RARB: variants seen among roughly 807,000 people sequenced by gnomAD.
RARB encodes HBV-activated protein.
In RARB, 17 loss-of-function variants were observed where a neutral mutation model predicts 51.9. The ratio of observed to expected loss-of-function variants is 0.33; its 90% CI spans 0.22 to 0.49. The LOEUF (loss-of-function observed/expected upper bound fraction) is 0.49, where lower values mean the gene tolerates loss of function less well. Among genes scored for constraint, RARB ranks in the 20% least tolerant of loss-of-function variants. The pLI is 0.99. For missense variants in RARB, 369 were observed against 550.8 expected (o/e 0.67, Z 3.30); for synonymous variants, 215 against 195.4 (o/e 1.10, Z -0.84).
At chr3:25,374,637 G>A (rs1706401753) in intron 5 of RARB, among the ~76,000 whole-genome samples, 1 of 152,054 alleles carries the variant, frequency 6.6e-6, no homozygotes, top group African/African-American at 2.4e-5. Context: ...CTGTCAACCA[G>A]TCTCCAACCA....
intron 5 of RARB, among the ~76,000 whole-genome samples, chr3:25,190,766 G>A (rs573322024): frequency 2.8e-4 from 42 of 152,042 alleles, no homozygotes; most frequent in African/African-American, 9.2e-4. Context: ...TACTTATGTC[G>A]CGTGCTGCTT....
At chr3:25,253,029 C>A (rs1702768348) in intron 5 of RARB, among the ~76,000 whole-genome samples, 1 of 152,294 alleles carries the variant, frequency 6.6e-6, no homozygotes, top group African/African-American at 2.4e-5. Context: ...GTAAGTTAAG[C>A]TGAACTGTCT....
At chr3:25,476,696 C>G (rs993062196) in intron 2 of RARB, among the ~76,000 whole-genome samples, 1 of 152,186 alleles carries the variant, frequency 6.6e-6, no homozygotes, top group Non-Finnish European at 1.5e-5. Context: ...GGGCCTACAA[C>G]TGTCCCATTC....
chr3:25,228,494 C>G (rs1035400645), intron 5 of RARB, among the ~76,000 whole-genome samples: 1 of 151,852 alleles, frequency 6.6e-6, no homozygotes, highest in Non-Finnish European at 1.5e-5. Flanking sequence ...TATCTCTTCT[C>G]TTCTATTATC....
intron 5 of RARB, among the ~76,000 whole-genome samples, chr3:25,322,128 G>C (rs1450090243): frequency 2.1e-5 from 3 of 146,252 alleles, no homozygotes; most frequent in Non-Finnish European, 4.5e-5. Context: ...TGGGTCTGGA[G>C]GTATTCCCAA....
intron 2 of RARB, among the ~76,000 whole-genome samples, chr3:24,890,353 T>C (rs2125363455): frequency 6.6e-6 from 1 of 152,316 alleles, no homozygotes; most frequent in East Asian, 1.9e-4. Flanking sequence ...TCTCTGTTAC[T>C]TATAGGAGGG....
At chr3:24,991,461 AAAAAG>A (rs1696909390) in intron 2 of RARB, among the ~76,000 whole-genome samples, 1 of 146,950 alleles carries the variant, frequency 6.8e-6, no homozygotes, top group African/African-American at 2.6e-5. Context: ...AAAGAAAAAG[AAAAAG>A]AAAAAGAAAA....
intron 5 of RARB, among the ~76,000 whole-genome samples, chr3:25,381,581 G>C (rs17016343): frequency 0.035 from 5,280 of 152,244 alleles, 117 homozygotes; most frequent in Middle Eastern, 0.065. Context: ...CATTTGCTTT[G>C]GTCACTCAAG....
rs1204320400 is a variant in RARB at position 25,314,117 on chromosome 3, C to T, written c.178+139542C>T. 2.0e-5 allele frequency among the ~76,000 whole-genome samples: 3 copies of T among 151,738 alleles called. 1 individual carries two copies. Among genetic ancestry groups the T allele is most frequent in the Non-Finnish European group, 2.9e-5 (2 of 67,942 alleles). On this transcript the variant is annotated intron_variant, in intron 5 of 11. Coordinates refer to the RARB transcript ENST00000383772. ...AATTTTTAAAAATCACAAAAAATTA[C>T]AAAACTTAAAAATTTACTCCAAATT...
intron 1 of RARB, among the ~76,000 whole-genome samples, chr3:24,829,776 C>T (rs1023562365): frequency 1.3e-5 from 2 of 152,342 alleles, no homozygotes; most frequent in African/African-American, 4.8e-5. Context: ...GAGTCGCTGG[C>T]AAGTTGCACC....
At chr3:24,880,852 G>A (rs150061872) in intron 2 of RARB, among the ~76,000 whole-genome samples, 164 of 152,272 alleles carry the variant, frequency 1.1e-3, no homozygotes, top group Non-Finnish European at 2.0e-3. Flanking sequence ...GTGAACTTAT[G>A]TTAAATATGT....
At chr3:24,994,381 G>T (rs541813547) in intron 2 of RARB, among the ~76,000 whole-genome samples, 6 of 152,032 alleles carry the variant, frequency 3.9e-5, no homozygotes, top group Admixed American at 2.0e-4. Context: ...TGAATTCCTT[G>T]TATATTCTGG....
intron 1 of RARB, among the ~76,000 whole-genome samples, chr3:24,838,434 A>T (rs1380202239): frequency 6.6e-6 from 1 of 152,164 alleles, no homozygotes; most frequent in Non-Finnish European, 1.5e-5. Context: ...ACCAGGGCCC[A>T]TGAAGTCTAC....
chr3:25,348,497 G>A (rs528731310), intron 5 of RARB, among the ~76,000 whole-genome samples: 1 of 152,002 alleles, frequency 6.6e-6, no homozygotes, highest in Non-Finnish European at 1.5e-5. Flanking sequence ...ACAGGTTAGT[G>A]AAATTAAAAG....
rs59052323 is a variant in RARB, at chr3:25,456,660, AATATAT to A, written c.158-4515_158-4510del. Reference sequence around the variant, plus strand: ...CCATCAATTCTGAGGGTGATATTTGAATATATATATATATATATATATAGAGAGAGA... The same window carrying A: ...CCATCAATTCTGAGGGTGATATTTGAATATATATATATATATAGAGAGAGA... On this transcript the variant is annotated intron_variant, in intron 1 of 7. Transcript: ENST00000330688. Among the ~76,000 whole-genome samples the A allele has an allele frequency of 6.4e-3, 617 of 96,138 alleles. 2 individuals are homozygous for A. Among genetic ancestry groups the A allele is most frequent in the Middle Eastern group, 0.016 (3 of 182 alleles). The allele number at this position is 96,138 out of a possible 152,430, so 63.1% of individuals were successfully genotyped here. A position where few individuals can be genotyped will look rare whatever the true frequency, so the allele number is the denominator to read the frequency against.
chr3:25,248,038 T>G (rs1171370550), intron 5 of RARB, among the ~76,000 whole-genome samples: 1 of 152,218 alleles, frequency 6.6e-6, no homozygotes, highest in Non-Finnish European at 1.5e-5. Context: ...ATATTTGTTT[T>G]ATGTATCTGG....
intron 3 of RARB, among the ~76,000 whole-genome samples, chr3:25,548,686 G>A (rs1699723224): frequency 6.9e-6 from 1 of 144,538 alleles, no homozygotes; most frequent in South Asian, 2.2e-4. Flanking sequence ...AGCAAGTTTT[G>A]AATCCTTTTT....
At chr3:25,163,896 A>C (rs944792509) in intron 4 of RARB, among the ~76,000 whole-genome samples, 1 of 152,316 alleles carries the variant, frequency 6.6e-6, no homozygotes, top group Admixed American at 6.5e-5. Flanking sequence ...AGAAGACCTG[A>C]GTATGGTAAC....
intron 3 of RARB, among the ~76,000 whole-genome samples, chr3:25,559,480 A>G (rs1280963690): frequency 1.3e-5 from 2 of 152,232 alleles, no homozygotes; most frequent in South Asian, 4.1e-4. Flanking sequence ...CCCTTCTGAC[A>G]TCTAGCTCAG....
Sources: allele counts gnomAD v4.1 joint callset (sites outside exome capture counted in the v4.1 genomes callset), GRCh38; gene constraint gnomAD v4.1.1; transcripts MANE v1.5; gene names NCBI Gene and HGNC (gene_info 2026-07-23, HGNC 2026-07-21).